Variants in VAMP4 observed in about 807,000 individuals in gnomAD.
The protein encoded by VAMP4 is vesicle associated membrane protein 4.
VAMP4 carries 19 observed loss-of-function variants against 23.5 expected under a neutral mutation model. That is an observed-to-expected ratio of 0.81 (90% CI 0.56 to 1.19). VAMP4 has a LOEUF of 1.19. VAMP4 is among the 50% of genes most tolerant of loss of function. The pLI is 0.00. For synonymous variants in VAMP4, 31 were observed against 51.0 expected, an observed-to-expected ratio of 0.61 and a Z score of 1.67; for missense variants, 145 against 168.6, an observed-to-expected ratio of 0.86 and a Z score of 0.78.
rs940766596 is a variant in VAMP4, at chr1:171,700,238, G to A, written c.*4268C>T. On this transcript the variant is annotated 3_prime_UTR_variant, in exon 8 of 8. Coordinates refer to ENST00000236192, the MANE Select transcript of VAMP4 (RefSeq NM_003762.5). ...AATACACTTCTGATATTAACACAAA[G>A]GTCTAAACTTTGCAACACTGGTAAA... The A allele has an allele frequency of 6.6e-6, 1 of 152,068 alleles. No individual in the cohort carries two copies. Among genetic ancestry groups the A allele is most frequent in the Non-Finnish European group, 1.5e-5 (1 of 68,006 alleles). The allele number at this position is 152,068 out of a possible 1,614,324, so 9.4% of individuals were successfully genotyped here.
At position 171,738,535 on chromosome 1, in the gene VAMP4, A is replaced by G. The variant is rs1477390710; in HGVS notation, c.-49-72T>C. ...AGCTAATGTACTTAAAACAGTGTAC[A>G]TGAAACCCTGTATGACAGGGACTCC... On this transcript the variant is annotated intron_variant, in intron 1 of 7. Transcript: ENST00000236192. 22 of 949,168 alleles carry G rather than the reference A, an allele frequency of 2.3e-5. No homozygotes were observed. In the Admixed American group the frequency reaches 3.2e-4, roughly 14 times the overall value. 58.8% of individuals were successfully genotyped at this position (949,168 alleles called of 1,614,324 possible).
chr1:171,721,890 A>G (rs997428320), intron 3 of VAMP4, among the ~76,000 whole-genome samples: 2 of 152,210 alleles, frequency 1.3e-5, no homozygotes, highest in Non-Finnish European at 2.9e-5. Context: ...TCTTCACAGA[A>G]TTGGAAAAAA....
rs1655947267 is a variant in VAMP4, at chr1:171,742,038, C to G, written c.-178G>C. The G allele has an allele frequency of 6.6e-6, 1 of 152,186 alleles. No individual in the cohort carries two copies. The highest frequency in any genetic ancestry group is 2.4e-5 in the African/African-American group (1 of 41,404). 9.4% of individuals were successfully genotyped at this position (152,186 alleles called of 1,614,324 possible). A position where few individuals can be genotyped will look rare whatever the true frequency, so the allele number is the denominator to read the frequency against. On this transcript the variant is annotated 5_prime_UTR_variant, in exon 1 of 8. Transcript: ENST00000236192. ...GTTGGTGCGGACCCGGCGTCGGCCG[C>G]AGCGCCGCAGCAGCGCCTCCGCTCA...
At chr1:171,707,680 T>G (rs187060247) in intron 6 of VAMP4, among the ~76,000 whole-genome samples, 17 of 152,280 alleles carry the variant, frequency 1.1e-4, no homozygotes, top group Non-Finnish European at 2.2e-4. Flanking sequence ...TAAATGGTGT[T>G]TGTTACATTA....
intron 3 of VAMP4, among the ~76,000 whole-genome samples, chr1:171,725,856 A>G (rs1655348735): frequency 6.6e-6 from 1 of 151,726 alleles, no homozygotes; most frequent in East Asian, 1.9e-4. Flanking sequence ...AGGACTGGCT[A>G]ATTTTTGTAT....
intron 2 of VAMP4, among the ~76,000 whole-genome samples, chr1:171,732,149 A>G (rs934637917): frequency 2.6e-5 from 4 of 152,194 alleles, no homozygotes; most frequent in African/African-American, 9.6e-5. Flanking sequence ...CACAAAGGAC[A>G]TTTAATAAAT....
intron 2 of VAMP4, among the ~76,000 whole-genome samples, chr1:171,732,954 T>C (rs1414153672): frequency 6.6e-6 from 1 of 151,952 alleles, no homozygotes; most frequent in Non-Finnish European, 1.5e-5. Flanking sequence ...ATAAAAAGCT[T>C]TGACAAACTA....
chr1:171,714,551 C>T (rs945011341), intron 4 of VAMP4, among the ~76,000 whole-genome samples: 24 of 152,260 alleles, frequency 1.6e-4, no homozygotes, highest in East Asian at 7.7e-4. Flanking sequence ...GCAGGAGGAT[C>T]GCTTGAGCCC....
At chr1:171,718,895 C>T (rs1469731606) in intron 4 of VAMP4, among the ~76,000 whole-genome samples, 3 of 152,094 alleles carry the variant, frequency 2.0e-5, no homozygotes, top group Admixed American at 2.0e-4. Flanking sequence ...CATCAGGGGT[C>T]AACAACTTTT....
At chr1:171,738,517 G>T in intron 1 of VAMP4, 54 bp from the exon 2 acceptor site, 2 of 1,186,472 alleles carry the variant, frequency 1.7e-6, no homozygotes, top group Non-Finnish European at 2.4e-6. Context: ...ATAAGCTAAT[G>T]TACTTAAAAC....
intron 2 of VAMP4, among the ~76,000 whole-genome samples, chr1:171,731,611 G>C (rs1015695726): frequency 6.6e-6 from 1 of 152,134 alleles, no homozygotes; most frequent in Non-Finnish European, 1.5e-5. Flanking sequence ...CATTGCTGCA[G>C]GACTAGATGG....
intron 4 of VAMP4, among the ~76,000 whole-genome samples, chr1:171,717,365 T>G (rs562716584): frequency 7.2e-5 from 11 of 152,234 alleles, no homozygotes; most frequent in African/African-American, 2.6e-4. Flanking sequence ...GAACTACAGC[T>G]AATTTGAGTC....
At chr1:171,718,377 A>G (rs980301270) in intron 4 of VAMP4, among the ~76,000 whole-genome samples, 1 of 152,164 alleles carries the variant, frequency 6.6e-6, no homozygotes, top group African/African-American at 2.4e-5. Flanking sequence ...AACCTGGGCC[A>G]TGCAGTTCAC....
At chr1:171,721,396 T>C (rs550409703) in intron 3 of VAMP4, among the ~76,000 whole-genome samples, 61 of 152,260 alleles carry the variant, frequency 4.0e-4, no homozygotes, top group Middle Eastern at 6.8e-3. Context: ...TTGTTCTATG[T>C]TGAAAATCCA....
intron 7 of VAMP4, 88 bp from the exon 8 acceptor site, chr1:171,704,622 T>A: frequency 9.4e-7 from 1 of 1,059,774 alleles, no homozygotes; most frequent in Non-Finnish European, 1.3e-6. Flanking sequence ...TAGTTGTGTC[T>A]ACTTTTAGAA....
intron 3 of VAMP4, among the ~76,000 whole-genome samples, chr1:171,723,323 T>A (rs1294848150): frequency 4.6e-5 from 7 of 152,194 alleles, no homozygotes; most frequent in Admixed American, 4.6e-4. Context: ...ACAACTGGTC[T>A]GACTAAAATT....
At chr1:171,722,301 C>G (rs1274591954) in intron 3 of VAMP4, among the ~76,000 whole-genome samples, 1 of 151,994 alleles carries the variant, frequency 6.6e-6, no homozygotes, top group African/African-American at 2.4e-5. Context: ...CCATAAAAAC[C>G]CTAGAAGAAA....
chr1:171,700,443 T>C lies in VAMP4; in HGVS notation c.*4063A>G, dbSNP rs1298213485. On this transcript the variant is annotated 3_prime_UTR_variant, in exon 8 of 8. Coordinates refer to ENST00000236192, the MANE Select transcript of VAMP4 (RefSeq NM_003762.5). ...AAAATAAAGGACTTGAATTTTCTTA[T>C]AGTTTGATTTCTAACATTTTACTGA... is the stretch of plus-strand genomic sequence containing the variant. 6.6e-6 allele frequency: 1 copy of C among 152,242 alleles called. No homozygotes were observed. The highest frequency in any genetic ancestry group is 1.5e-5 in the Non-Finnish European group (1 of 68,044). 9.4% of individuals were successfully genotyped at this position (152,242 alleles called of 1,614,324 possible).
At chr1:171,704,945 A>T (rs1227152626) in intron 7 of VAMP4, among the ~76,000 whole-genome samples, 1 of 152,076 alleles carries the variant, frequency 6.6e-6, no homozygotes. Flanking sequence ...ACTAATTGTA[A>T]GATTATAGTT....
Sources: gnomAD v4.1 joint callset for allele counts (sites outside exome capture counted in the v4.1 genomes callset) on GRCh38, gnomAD v4.1.1 for gene constraint, MANE v1.5 for transcripts, NCBI Gene and HGNC (gene_info 2026-07-23, HGNC 2026-07-21) for gene names.